Variants in ATP8B4 observed in about 807,000 individuals in gnomAD.
ATP8B4 encodes the protein ATPase phospholipid transporting 8B4 (putative), also known as probable phospholipid-transporting ATPase IM.
In ATP8B4, 133 loss-of-function variants were observed where a neutral mutation model predicts 145.6. The ratio of observed to expected loss-of-function variants is 0.91; its 90% CI spans 0.79 to 1.05. The LOEUF is 1.05. ATP8B4 is among the 50% of genes least tolerant of loss of function. The probability of loss-of-function intolerance (pLI) is 0.00; values close to 1 mark genes in which losing one functional copy is unlikely to be tolerated. For synonymous variants in ATP8B4, 507 were observed against 492.9 expected (o/e 1.03, Z -0.38); for missense variants, 1,458 against 1,425.2 (o/e 1.02, Z -0.37).
chr15:49,963,499 G>A (rs553166819), intron 13 of ATP8B4, among the ~76,000 whole-genome samples: 19 of 152,232 alleles, frequency 1.2e-4, no homozygotes, highest in South Asian at 1.0e-3. Flanking sequence ...GAAAAGACAC[G>A]GAATTAGCCT....
intron 5 of ATP8B4, among the ~76,000 whole-genome samples, chr15:50,042,279 T>C (rs190181699): frequency 6.6e-6 from 1 of 152,308 alleles, no homozygotes; most frequent in Non-Finnish European, 1.5e-5. Flanking sequence ...AAATGATATA[T>C]GAAGACACAT....
intron 23 of ATP8B4, among the ~76,000 whole-genome samples, chr15:49,892,150 C>T (rs1002737128): frequency 6.6e-6 from 1 of 151,076 alleles, no homozygotes; most frequent in Non-Finnish European, 1.5e-5. Context: ...TCTATAGACT[C>T]AGAATAGTTA....
intron 17 of ATP8B4, among the ~76,000 whole-genome samples, chr15:49,920,701 A>G (rs559506670): frequency 3.3e-5 from 5 of 152,332 alleles, no homozygotes; most frequent in Admixed American, 1.3e-4. Flanking sequence ...AGTGACACCC[A>G]TGACTTGAGA....
At chr15:50,056,420 C>A (rs560190169) in intron 3 of ATP8B4, among the ~76,000 whole-genome samples, 9 of 152,026 alleles carry the variant, frequency 5.9e-5, no homozygotes, top group African/African-American at 1.7e-4. Context: ...TCATCAAATA[C>A]TATGACAAAA....
intron 14 of ATP8B4, among the ~76,000 whole-genome samples, chr15:49,953,119 A>T (rs915239096): frequency 4.6e-5 from 7 of 152,012 alleles, no homozygotes; most frequent in Admixed American, 1.3e-4. Flanking sequence ...AGGGGCACCA[A>T]CCTGATGCCA....
intron 9 of ATP8B4, 31 bp from the exon 10 acceptor site, chr15:49,987,580 T>G (rs2046723675): frequency 6.3e-7 from 1 of 1,594,036 alleles, no homozygotes; most frequent in Non-Finnish European, 8.5e-7. Flanking sequence ...ACAAACCTCT[T>G]TATGACTCAC....
chr15:50,045,259 A>G (rs891053106), intron 4 of ATP8B4, among the ~76,000 whole-genome samples: 14 of 152,326 alleles, frequency 9.2e-5, no homozygotes, highest in Admixed American at 7.8e-4. Context: ...AGGAGTCAGG[A>G]AATGTTGCAG....
chr15:49,906,786 A>C (rs888951433), intron 20 of ATP8B4, among the ~76,000 whole-genome samples: 3 of 152,166 alleles, frequency 2.0e-5, no homozygotes, highest in African/African-American at 4.8e-5. Context: ...AGTAGGAAGA[A>C]ATTACTTTCC....
At chr15:50,146,279 G>A (rs1055114113) in intron 1 of ATP8B4, among the ~76,000 whole-genome samples, 7 of 152,070 alleles carry the variant, frequency 4.6e-5, no homozygotes, top group African/African-American at 9.7e-5. Flanking sequence ...CCAAAGTGCC[G>A]GGATTACAGG....
intron 1 of ATP8B4, among the ~76,000 whole-genome samples, chr15:50,173,049 C>G (rs1385440319): frequency 6.9e-6 from 1 of 145,344 alleles, no homozygotes; most frequent in African/African-American, 2.6e-5. Context: ...GCAGCCTCCG[C>G]CCGGCCAGCC....
intron 1 of ATP8B4, among the ~76,000 whole-genome samples, chr15:50,173,182 C>T (rs992383719): frequency 3.3e-5 from 5 of 152,154 alleles, no homozygotes; most frequent in Middle Eastern, 3.2e-3. Flanking sequence ...GCCGCCACCC[C>T]GTCTGGGAGG....
chr15:49,978,525 T>C (rs1161046965), intron 12 of ATP8B4, among the ~76,000 whole-genome samples: 1 of 152,118 alleles, frequency 6.6e-6, no homozygotes, highest in Non-Finnish European at 1.5e-5. Flanking sequence ...AGCTAGGTTT[T>C]TGAAGAGAGA....
chr15:49,961,359 T>C lies in ATP8B4; in HGVS notation c.1287+618A>G, dbSNP rs185664028. ...TTACACTTGTTTGTGTCAGGGTAAA[T>C]TGTTATAAATTCTAAAGAAGGCAAT... On this transcript the variant is annotated intron_variant, in intron 14 of 27. Coordinates refer to ENST00000284509, the MANE Select transcript of ATP8B4 (RefSeq NM_024837.4). Among the ~76,000 whole-genome samples the C allele has an allele frequency of 2.8e-4, 43 of 152,282 alleles. 1 individual carries two copies. In the Middle Eastern group the frequency reaches 0.01, roughly 36 times the overall value.
At chr15:50,074,033 T>C in intron 3 of ATP8B4, 94 bp downstream of exon 3, 1 of 1,087,566 alleles carries the variant, frequency 9.2e-7, no homozygotes, top group South Asian at 1.6e-5. Flanking sequence ...GAAGAAAGTT[T>C]TTGGTGAAGT....
chr15:50,165,338 C>A (rs1234070973), intron 1 of ATP8B4, among the ~76,000 whole-genome samples: 1 of 152,316 alleles, frequency 6.6e-6, no homozygotes, highest in Admixed American at 6.5e-5. Flanking sequence ...TAGGCATGAG[C>A]CACCACGACC....
intron 2 of ATP8B4, among the ~76,000 whole-genome samples, chr15:50,085,996 T>TATA (rs1466702387): frequency 1.8e-5 from 1 of 54,978 alleles, no homozygotes; most frequent in Non-Finnish European, 3.3e-5. Context: ...TCATATATAT[T>TATA]TATTATATAT....
intron 1 of ATP8B4, among the ~76,000 whole-genome samples, chr15:50,172,274 C>G (rs1212105370): frequency 2.6e-5 from 4 of 152,378 alleles, no homozygotes; most frequent in African/African-American, 9.6e-5. Flanking sequence ...TGCCGAGTGC[C>G]TGGGATTGCA....
At chr15:49,968,409 A>T (rs778637500) in intron 13 of ATP8B4, among the ~76,000 whole-genome samples, 1 of 117,166 alleles carries the variant, frequency 8.5e-6, no homozygotes, top group Non-Finnish European at 1.7e-5. Flanking sequence ...CATAGGCTCA[A>T]AATAAAGGGA....
At chr15:50,064,430 C>T (rs552277106) in intron 3 of ATP8B4, among the ~76,000 whole-genome samples, 8 of 152,206 alleles carry the variant, frequency 5.3e-5, no homozygotes, top group African/African-American at 1.7e-4. Context: ...TGCTTAATTC[C>T]TCTGAGAACA....
Sources: allele counts gnomAD v4.1 joint callset (sites outside exome capture counted in the v4.1 genomes callset), GRCh38; gene constraint gnomAD v4.1.1; transcripts MANE v1.5; gene names NCBI Gene and HGNC (gene_info 2026-07-23, HGNC 2026-07-21).